Variants in MAP4K4 observed in about 807,000 individuals in gnomAD.
The protein encoded by MAP4K4 is mitogen-activated protein kinase kinase kinase kinase 4.
A neutral mutation model predicts 189.6 loss-of-function variants in MAP4K4; 38 were observed. The observed-to-expected ratio is 0.20, with a 90% CI of 0.15 to 0.26. The LOEUF (loss-of-function observed/expected upper bound fraction) is 0.26. Ranked by LOEUF, MAP4K4 falls within the 10% of genes least tolerant of loss-of-function variation. The pLI is 1.00. For synonymous variants in MAP4K4, 610 were observed against 624.3 expected (o/e 0.98, Z 0.34); for missense variants, 1,054 against 1,726.9 (o/e 0.61, Z 6.91).
chr2:101,810,410 A>G (rs1182215275), intron 3 of MAP4K4, among the ~76,000 whole-genome samples: 1 of 152,174 alleles, frequency 6.6e-6, no homozygotes, highest in Non-Finnish European at 1.5e-5. Flanking sequence ...ATTTGTACCC[A>G]TAATTAATAT....
chr2:101,867,924 T>A (rs377759276), intron 20 of MAP4K4, 105 bp from the exon 21 acceptor site: 8 of 1,105,398 alleles, frequency 7.2e-6, no homozygotes, highest in Non-Finnish European at 1.1e-5. Context: ...TTGAACTGAT[T>A]TCTGTACTTC....
intron 2 of MAP4K4, among the ~76,000 whole-genome samples, chr2:101,718,244 T>C (rs1294715228): frequency 7.0e-5 from 10 of 143,712 alleles, no homozygotes; most frequent in Admixed American, 4.2e-4. Flanking sequence ...CAACATGAGC[T>C]AGACTCCGTC....
intron 2 of MAP4K4, among the ~76,000 whole-genome samples, chr2:101,777,155 G>A (rs776806930): frequency 6.6e-6 from 1 of 152,198 alleles, no homozygotes; most frequent in African/African-American, 2.4e-5. Context: ...GTCAGGTGGT[G>A]AATGGAGAAA....
chr2:101,885,059 C>G, intron 28 of MAP4K4, 128 bp from the exon 29 acceptor site: 1 of 461,264 alleles, frequency 2.2e-6, no homozygotes, highest in Admixed American at 3.8e-5. Flanking sequence ...TGAATTTTTC[C>G]CCTGCTTGTT....
In MAP4K4 at chr2:101,871,385, A is replaced by G. The variant is rs150003024; in HGVS notation, c.2761-109A>G. 1,369 of 847,458 alleles carry G rather than the reference A, an allele frequency of 1.6e-3. 17 individuals are homozygous for G. In the African/African-American group the frequency reaches 0.02, roughly 13 times the overall value. 52.5% of individuals were successfully genotyped at this position (847,458 alleles called of 1,614,324 possible). On this transcript the variant is annotated intron_variant, in intron 23 of 32. Coordinates refer to ENST00000324219, the Ensembl canonical transcript of MAP4K4. ...CTAATTTCTTTGGTTTTTCCTTGGT[A>G]ATTTAGCAGAGTTTATAAGTCACAC...
At chr2:101,738,829 T>C (rs781251289) in intron 2 of MAP4K4, among the ~76,000 whole-genome samples, 3 of 152,038 alleles carry the variant, frequency 2.0e-5, no homozygotes, top group Non-Finnish European at 4.4e-5. Flanking sequence ...ACCATATTGT[T>C]GGTGACCTTG....
intron 23 of MAP4K4, 88 bp downstream of exon 23, chr2:101,870,503 C>T: frequency 6.5e-7 from 1 of 1,533,966 alleles, no homozygotes; most frequent in Non-Finnish European, 8.8e-7. Context: ...GCTGTTTCTC[C>T]ATCATCATCT....
At chr2:101,829,041 C>G (rs986939885) in intron 5 of MAP4K4, among the ~76,000 whole-genome samples, 1 of 152,228 alleles carries the variant, frequency 6.6e-6, no homozygotes, top group Non-Finnish European at 1.5e-5. Flanking sequence ...CAGTTTGTCA[C>G]TGTGCAGTGG....
chr2:101,755,429 A>G (rs1210724303), intron 2 of MAP4K4, among the ~76,000 whole-genome samples: 2 of 152,168 alleles, frequency 1.3e-5, no homozygotes, highest in African/African-American at 2.4e-5. Context: ...CCTGACCCCA[A>G]GAGAAACTCT....
At chr2:101,755,467 T>G (rs929618910) in intron 2 of MAP4K4, among the ~76,000 whole-genome samples, 7 of 152,226 alleles carry the variant, frequency 4.6e-5, no homozygotes, top group Admixed American at 1.3e-4. Context: ...TTACTGAAAT[T>G]GGTGGGCGGC....
At chr2:101,839,847 G>A (rs1163720801) in exon 10 of MAP4K4, 1 of 1,597,266 alleles carries the variant, frequency 6.3e-7, no homozygotes, top group Non-Finnish European at 8.5e-7. Context: ...TTTTATAGAA[G>A]GGTGCCTGGT....
intron 27 of MAP4K4, 83 bp downstream of exon 27, chr2:101,877,229 A>C: frequency 7.3e-7 from 1 of 1,371,112 alleles, no homozygotes; most frequent in South Asian, 1.3e-5. Flanking sequence ...CAGTTAGCTC[A>C]TTCACTGATG....
chr2:101,829,974 TTTAC>T (rs1383735275), intron 6 of MAP4K4, among the ~76,000 whole-genome samples: 1 of 152,212 alleles, frequency 6.6e-6, no homozygotes, highest in African/African-American at 2.4e-5. Flanking sequence ...TATGTCCCTC[TTTAC>T]TTCTCTCTTC....
In MAP4K4 at chr2:101,717,507, C is replaced by T. The variant is rs550208359; in HGVS notation, c.123+18969C>T. ...AATAACTCTTAATTTCTTTTTGTGT[C>T]GGGAAAAGAACAAACTCTTGCCTTG... On this transcript the variant is annotated intron_variant, in intron 2 of 32. Transcript: ENST00000324219. 9.9e-5 allele frequency among the ~76,000 whole-genome samples: 15 copies of T among 152,172 alleles called. 1 individual carries two copies. In the South Asian group the frequency reaches 2.1e-3, roughly 21 times the overall value.
chr2:101,870,385 A>G lies in MAP4K4; in HGVS notation c.2730A>G (p.Pro910=), dbSNP rs201882230. 2.0e-4 allele frequency: 323 copies of G among 1,613,684 alleles called. 1 individual carries two copies. In the African/African-American group the frequency reaches 4.0e-3, roughly 20 times the overall value. The change falls in exon 23 of 33, where the codon CCA becomes CCG. Residue 910 remains proline (P), a synonymous_variant. Coordinates refer to ENST00000324219, the Ensembl canonical transcript of MAP4K4. ...TAGAAAGTGAGCCGGCCATGACCCC[A>G]TCCAAGGAGGGCACTCTAATCGTCC... is the stretch of plus-strand genomic sequence containing the variant.
intron 2 of MAP4K4, among the ~76,000 whole-genome samples, chr2:101,708,760 T>A (rs2043796457): frequency 6.6e-6 from 1 of 152,204 alleles, no homozygotes; most frequent in South Asian, 2.1e-4. Flanking sequence ...CTCGTAGTGA[T>A]TTACAGTTAA....
intron 2 of MAP4K4, among the ~76,000 whole-genome samples, chr2:101,740,442 C>CACAACATCTGT (rs2062205128): frequency 9.8e-6 from 1 of 102,552 alleles, no homozygotes; most frequent in African/African-American, 1.6e-4. Context: ...GCGTGAGCCA[C>CACAACATCTGT]CGCGCCCGGC....
chr2:101,810,420 T>C (rs2095344391), intron 3 of MAP4K4, among the ~76,000 whole-genome samples: 1 of 152,220 alleles, frequency 6.6e-6, no homozygotes, highest in East Asian at 1.9e-4. Context: ...ATAATTAATA[T>C]ATAAGTAACA....
At chr2:101,881,158 A>G (rs2098379035) in intron 27 of MAP4K4, among the ~76,000 whole-genome samples, 1 of 152,170 alleles carries the variant, frequency 6.6e-6, no homozygotes, top group Non-Finnish European at 1.5e-5. Flanking sequence ...CAGAATTTGT[A>G]GTTTTCCTTA....
Sources: allele counts gnomAD v4.1 joint callset (sites outside exome capture counted in the v4.1 genomes callset), GRCh38; gene constraint gnomAD v4.1.1; transcripts MANE v1.5; gene names NCBI Gene and HGNC (gene_info 2026-07-23, HGNC 2026-07-21).